The following ATP10D variants were observed in gnomAD, a reference collection of about 807,000 sequenced individuals.
ATP10D encodes ATPase phospholipid transporting 10D (putative).
Under a neutral mutation model 144.8 loss-of-function variants are expected in ATP10D, and 89 were observed. The ratio of observed to expected loss-of-function variants is 0.61; its 90% CI spans 0.52 to 0.73. The LOEUF (loss-of-function observed/expected upper bound fraction) is 0.73, where lower values mean the gene tolerates loss of function less well. ATP10D is among the 30% of genes least tolerant of loss of function. The pLI is 0.00. For missense variants in ATP10D, 1,603 were observed against 1,714.8 expected (o/e 0.93, Z 1.15); for synonymous variants, 571 against 615.1 (o/e 0.93, Z 1.06).
At chr4:47,569,800 G>A (rs1005100749) in intron 16 of ATP10D, among the ~76,000 whole-genome samples, 2 of 152,168 alleles carry the variant, frequency 1.3e-5, no homozygotes, top group African/African-American at 4.8e-5. Flanking sequence ...TTGACTGTGA[G>A]CAGAGATGTG....
chr4:47,551,978 C>T (rs1010655950), intron 10 of ATP10D, among the ~76,000 whole-genome samples: 2 of 152,190 alleles, frequency 1.3e-5, no homozygotes, highest in African/African-American at 4.8e-5. Flanking sequence ...GAAGAATGAG[C>T]ATGCCTGAAG....
At position 47,536,502 on chromosome 4, in the gene ATP10D, C is replaced by G. The variant is rs1432966142; in HGVS notation, c.1081C>G (p.His361Asp). Reference sequence around the variant, plus strand: ...TTTCAATGTTCCCGAGCCTGATGGACATATCATATCACCACTGTTGGCAGG... The same window carrying G: ...TTTCAATGTTCCCGAGCCTGATGGAGATATCATATCACCACTGTTGGCAGG... ...HFFNVPEPDG[H>D]IISPLLAGFY... Residue 361 changes from histidine to aspartate, a missense_variant, in exon 8 of 23, where the codon CAT (histidine) becomes GAT (aspartate). Physicochemically the swap from His to Asp is moderately conservative, Grantham distance 81 (BLOSUM62 -1). Transcript: ENST00000273859. 6.2e-7 allele frequency: 1 copy of G among 1,613,458 alleles called. No individual in the cohort carries two copies. The highest frequency in any genetic ancestry group is 2.2e-5 in the East Asian group (1 of 44,858).
intron 14 of ATP10D, 62 bp from the exon 15 acceptor site, chr4:47,563,519 T>C (rs1719432042): frequency 7.1e-7 from 1 of 1,411,554 alleles, no homozygotes; most frequent in Non-Finnish European, 9.7e-7. Flanking sequence ...AACTGTAGAC[T>C]AGCTGAGCTT....
chr4:47,497,732 T>A lies in ATP10D; in HGVS notation c.-38+12213T>A, dbSNP rs1182241251. On this transcript the variant is annotated intron_variant, in intron 1 of 22. Transcript: ENST00000273859. ...TAATAAAAGCCTATCTATATATGCA[T>A]GAATAAGAAAATGGTAGTGGAGCAA... Among the ~76,000 whole-genome samples, 4 of 152,236 alleles carry A rather than the reference T, an allele frequency of 2.6e-5. No individual in the cohort carries two copies. In the East Asian group the frequency reaches 7.7e-4, roughly 29 times the overall value.
chr4:47,557,605 C>A, intron 11 of ATP10D, 59 bp from the exon 12 acceptor site: 5 of 1,452,926 alleles, frequency 3.4e-6, no homozygotes, highest in Non-Finnish European at 3.7e-6. Flanking sequence ...AGTTTGCCTT[C>A]AAAGTTGTTA....
At chr4:47,502,034 C>T (rs908608439) in intron 1 of ATP10D, among the ~76,000 whole-genome samples, 4 of 152,092 alleles carry the variant, frequency 2.6e-5, no homozygotes, top group African/African-American at 9.7e-5. Context: ...AGGAACTCAC[C>T]ATAAATGAGT....
At chr4:47,576,744 G>A (rs753814497) in intron 18 of ATP10D, 29 bp from the exon 19 acceptor site, 11 of 1,593,526 alleles carry the variant, frequency 6.9e-6, no homozygotes, top group Non-Finnish European at 9.5e-6. Flanking sequence ...CTGATTCTAA[G>A]ATCTGAATGT....
chr4:47,586,857 T>A (rs1343233278), intron 21 of ATP10D, among the ~76,000 whole-genome samples, 162 bp from the exon 22 acceptor site: 2 of 152,232 alleles, frequency 1.3e-5, no homozygotes, highest in East Asian at 3.8e-4. Context: ...TCACAAAAAA[T>A]ACTCCCATCT....
intron 19 of ATP10D, 84 bp downstream of exon 19, chr4:47,577,057 G>A: frequency 1.7e-6 from 2 of 1,206,164 alleles, no homozygotes; most frequent in Non-Finnish European, 2.4e-6. Context: ...AAATATTGCA[G>A]TCTACTCAGA....
intron 18 of ATP10D, among the ~76,000 whole-genome samples, chr4:47,575,457 C>G (rs1230632684): frequency 6.6e-6 from 1 of 152,120 alleles, no homozygotes; most frequent in Non-Finnish European, 1.5e-5. Context: ...ACTGGGCATC[C>G]CAAGGCCTGG....
rs1451808376 is a variant in ATP10D, at chr4:47,591,270, CTG to C, written c.4173_4174del (p.Ala1392TyrfsTer2). ...TATTTGCAATGAAGTCAGCAAGTTC[CTG>C]TGCTATTGAGCAAGGAAACTTATCT... ...AVFAMKSASSCAIEQGNLSLC... is the reference protein window; with the variant it reads ...AVFAMKSASSXAIEQGNLSLC... On this transcript the variant is annotated frameshift_variant, in exon 23 of 23. Coordinates refer to ENST00000273859, the MANE Select transcript of ATP10D (RefSeq NM_020453.4). LOFTEE classifies it low-confidence loss of function (END_TRUNC). 1 of 1,613,468 alleles carries C rather than the reference CTG, an allele frequency of 6.2e-7. No homozygotes were observed. Among genetic ancestry groups the C allele is most frequent in the Non-Finnish European group, 8.5e-7 (1 of 1,179,578 alleles).
intron 9 of ATP10D, among the ~76,000 whole-genome samples, chr4:47,541,948 A>C (rs2045712924): frequency 6.6e-6 from 1 of 152,132 alleles, no homozygotes; most frequent in African/African-American, 2.4e-5. Flanking sequence ...AAAAGTAAGA[A>C]TTCCTGCCCT....
intron 19 of ATP10D, among the ~76,000 whole-genome samples, chr4:47,578,640 C>A (rs73140073): frequency 4.1e-4 from 63 of 152,324 alleles, no homozygotes; most frequent in African/African-American, 1.5e-3. Flanking sequence ...CTAAGTGGTT[C>A]TCTCTTGTCC....
intron 4 of ATP10D, among the ~76,000 whole-genome samples, chr4:47,524,157 A>T (rs1442546642): frequency 6.6e-6 from 1 of 151,934 alleles, no homozygotes; most frequent in Non-Finnish European, 1.5e-5. Context: ...TGATCTCCTC[A>T]CCTCGTGATC....
rs1204235586 is a variant in ATP10D, at chr4:47,587,070, T to A, written c.3805T>A (p.Phe1269Ile). 6.2e-7 allele frequency: 1 copy of A among 1,613,988 alleles called. No individual in the cohort carries two copies. The highest frequency in any genetic ancestry group is 8.5e-7 in the Non-Finnish European group (1 of 1,179,968). The change falls in exon 22 of 23, where the codon TTT (phenylalanine) becomes ATT (isoleucine). Residue 1269 changes from phenylalanine to isoleucine, a missense_variant. Physicochemically the swap from Phe to Ile is conservative, Grantham distance 21 (BLOSUM62 0). Coordinates refer to ENST00000273859, the MANE Select transcript of ATP10D (RefSeq NM_020453.4). ...TGGTAGCATCTTGTCTTATTTTTTATTTGCCATAGTTTTTGGAGCCATGTG... is the reference window on the plus strand; with the variant it reads ...TGGTAGCATCTTGTCTTATTTTTTAATTGCCATAGTTTTTGGAGCCATGTG... ...IIGSILSYFL[F>I]AIVFGAMCVT...
intron 9 of ATP10D, among the ~76,000 whole-genome samples, chr4:47,542,028 A>G (rs913403686): frequency 6.6e-6 from 1 of 151,972 alleles, no homozygotes; most frequent in Non-Finnish European, 1.5e-5. Context: ...TTAAAGAAAT[A>G]CTAAGAAATA....
chr4:47,489,860 G>A (rs1714981767), intron 1 of ATP10D, among the ~76,000 whole-genome samples: 1 of 152,030 alleles, frequency 6.6e-6, no homozygotes, highest in African/African-American at 2.4e-5. Context: ...CATTTGCCAG[G>A]GCCTACGGCT....
At chr4:47,485,680 C>A (rs553162880) in intron 1 of ATP10D, among the ~76,000 whole-genome samples, 161 bp downstream of exon 1, 2 of 150,998 alleles carry the variant, frequency 1.3e-5, no homozygotes, top group Non-Finnish European at 3.0e-5. Flanking sequence ...TGGGCTGTTA[C>A]TGAACTAAAA....
intron 1 of ATP10D, chr4:47,491,122 T>C (rs997805705): frequency 4.0e-5 from 29 of 731,480 alleles, no homozygotes; most frequent in Middle Eastern, 3.6e-4. Flanking sequence ...TTTTTTCTTT[T>C]TCTGATCATT....
Sources: gnomAD v4.1 joint callset for allele counts (sites outside exome capture counted in the v4.1 genomes callset) on GRCh38, gnomAD v4.1.1 for gene constraint, MANE v1.5 for transcripts, NCBI Gene and HGNC (gene_info 2026-07-23, HGNC 2026-07-21) for gene names.